Variants in TMTC2 observed in about 807,000 individuals in gnomAD.
TMTC2 encodes protein O-mannosyl-transferase TMTC2.
In TMTC2, 43 loss-of-function variants were observed where a neutral mutation model predicts 82.4. The ratio of observed to expected loss-of-function variants is 0.52; its 90% CI spans 0.41 to 0.67. The LOEUF (loss-of-function observed/expected upper bound fraction) is 0.67. TMTC2 is among the 30% of genes least tolerant of loss of function. The probability of loss-of-function intolerance (pLI) is 0.00; values close to 1 mark genes in which losing one functional copy is unlikely to be tolerated. For synonymous variants in TMTC2, 408 were observed against 381.9 expected (o/e 1.07, Z -0.80); for missense variants, 919 against 1,012.4 (o/e 0.91, Z 1.25).
intron 4 of TMTC2, among the ~76,000 whole-genome samples, chr12:82,941,212 G>C (rs937355031): frequency 3.3e-5 from 5 of 152,074 alleles, no homozygotes; most frequent in African/African-American, 9.7e-5. Context: ...GGATCTCACT[G>C]TGTTGCCAGG....
intron 1 of TMTC2, among the ~76,000 whole-genome samples, chr12:82,732,322 C>T (rs1350183464): frequency 6.6e-6 from 1 of 151,754 alleles, no homozygotes. Flanking sequence ...AATAGGATAA[C>T]CTTTTTGCAT....
intron 11 of TMTC2, among the ~76,000 whole-genome samples, chr12:83,064,013 G>A (rs1189098649): frequency 6.6e-6 from 1 of 151,210 alleles, no homozygotes; most frequent in African/African-American, 2.4e-5. Context: ...ATTAAAGGCA[G>A]AGATCAGAGT....
At chr12:82,856,961 T>G in intron 1 of TMTC2, 49 bp from the exon 2 acceptor site, 2 of 1,528,354 alleles carry the variant, frequency 1.3e-6, no homozygotes, top group Non-Finnish European at 1.8e-6. Flanking sequence ...ATATTTTTTC[T>G]TTCTTTCTGT....
At position 82,767,264 on chromosome 12, in the gene TMTC2, T is replaced by C. The variant is rs192422859; in HGVS notation, c.83+79595T>C. 6.6e-5 allele frequency among the ~76,000 whole-genome samples: 10 copies of C among 152,310 alleles called. 1 individual carries two copies. Among genetic ancestry groups the C allele is most frequent in the Admixed American group, 5.9e-4 (9 of 15,296 alleles). On this transcript the variant is annotated intron_variant, in intron 1 of 11. Transcript: ENST00000321196. ...TCTCTTTTTTCTGCTTTTGAGATTA[T>C]TTCTTAAGTTCTTACACTTTAAAGT... is the stretch of plus-strand genomic sequence containing the variant.
At chr12:82,947,358 T>G (rs1319312629) in intron 4 of TMTC2, among the ~76,000 whole-genome samples, 3 of 151,240 alleles carry the variant, frequency 2.0e-5, no homozygotes. Flanking sequence ...TTTTTTTTTT[T>G]TGAGACGGAG....
At chr12:82,936,746 T>C (rs2137253388) in intron 4 of TMTC2, among the ~76,000 whole-genome samples, 2 of 152,266 alleles carry the variant, frequency 1.3e-5, no homozygotes, top group South Asian at 4.1e-4. Flanking sequence ...ATAATAAATA[T>C]CTGTCAAAAG....
At chr12:83,058,703 C>T (rs754515597) in intron 10 of TMTC2, among the ~76,000 whole-genome samples, 1 of 151,838 alleles carries the variant, frequency 6.6e-6, no homozygotes, top group Non-Finnish European at 1.5e-5. Flanking sequence ...CTTCTCACTA[C>T]CTCACTCCTG....
intron 2 of TMTC2, among the ~76,000 whole-genome samples, chr12:82,890,600 C>G (rs1873345681): frequency 6.6e-6 from 1 of 152,136 alleles, no homozygotes; most frequent in Non-Finnish European, 1.5e-5. Context: ...TCAACTTTGG[C>G]TGCATTAGAA....
At chr12:83,006,088 G>T (rs1880189090) in intron 8 of TMTC2, among the ~76,000 whole-genome samples, 1 of 152,172 alleles carries the variant, frequency 6.6e-6, no homozygotes, top group South Asian at 2.1e-4. Flanking sequence ...ATCTTGTGCA[G>T]CCAGGATCCC....
chr12:83,005,206 T>TAAAA (rs59772281), intron 8 of TMTC2, among the ~76,000 whole-genome samples: 7 of 36,362 alleles, frequency 1.9e-4, no homozygotes, highest in Non-Finnish European at 2.9e-4. Context: ...TTTGTCTTAT[T>TAAAA]AAAAAAAAAA....
chr12:82,748,406 C>A (rs762610185), intron 1 of TMTC2, among the ~76,000 whole-genome samples: 1 of 152,096 alleles, frequency 6.6e-6, no homozygotes, highest in Non-Finnish European at 1.5e-5. Flanking sequence ...ATACAGTATG[C>A]GCTTTGGAGG....
In TMTC2 at chr12:82,769,278, G is replaced by A. The variant is rs1235223054; in HGVS notation, c.83+81609G>A. On this transcript the variant is annotated intron_variant, in intron 1 of 11. Transcript: ENST00000321196. ...ACCTTAGGTCAGGAGTTTGAGACCAGCCTGGCCAACATAGTGAAACCCCTG... is the reference window on the plus strand; with the variant it reads ...ACCTTAGGTCAGGAGTTTGAGACCAACCTGGCCAACATAGTGAAACCCCTG... Among the ~76,000 whole-genome samples, 5 of 151,954 alleles carry A rather than the reference G, an allele frequency of 3.3e-5. 1 individual carries two copies. The highest frequency in any genetic ancestry group is 1.2e-4 in the African/African-American group (5 of 41,456).
intron 3 of TMTC2, among the ~76,000 whole-genome samples, chr12:82,903,412 TTTTTG>T (rs2137195131): frequency 6.6e-6 from 1 of 152,154 alleles, no homozygotes; most frequent in African/African-American, 2.4e-5. Context: ...TTTTGTTTTG[TTTTTG>T]TTTTGTTTTT....
intron 1 of TMTC2, among the ~76,000 whole-genome samples, chr12:82,838,662 A>T (rs1167707270): frequency 6.6e-6 from 1 of 152,124 alleles, no homozygotes; most frequent in Non-Finnish European, 1.5e-5. Flanking sequence ...CCATTTGAAT[A>T]TGTTTATACC....
intron 8 of TMTC2, among the ~76,000 whole-genome samples, chr12:83,008,436 C>A (rs959863852): frequency 1.3e-5 from 2 of 152,190 alleles, no homozygotes; most frequent in African/African-American, 4.8e-5. Context: ...CTCACTGATT[C>A]TTTCCTTAGC....
At chr12:82,864,140 G>A (rs1246791118) in intron 2 of TMTC2, among the ~76,000 whole-genome samples, 1 of 152,122 alleles carries the variant, frequency 6.6e-6, no homozygotes, top group Non-Finnish European at 1.5e-5. Flanking sequence ...AGTTGTTTTG[G>A]CAGATACACA....
At chr12:82,860,533 A>T (rs980440498) in intron 2 of TMTC2, among the ~76,000 whole-genome samples, 1 of 152,236 alleles carries the variant, frequency 6.6e-6, no homozygotes, top group Admixed American at 6.5e-5. Context: ...GGCTGATTCC[A>T]TGATCTGTTT....
intron 11 of TMTC2, among the ~76,000 whole-genome samples, chr12:83,099,247 A>G (rs1021396289): frequency 1.3e-5 from 2 of 152,204 alleles, no homozygotes; most frequent in African/African-American, 4.8e-5. Context: ...TCCTTCATGC[A>G]CAGTAGGTGT....
At chr12:83,120,135 G>A (rs1884901164) in intron 11 of TMTC2, among the ~76,000 whole-genome samples, 1 of 152,266 alleles carries the variant, frequency 6.6e-6, no homozygotes, top group African/African-American at 2.4e-5. Context: ...TACATTCAAC[G>A]TTAGTATTGA....
Sources: gnomAD v4.1 joint callset for allele counts (sites outside exome capture counted in the v4.1 genomes callset) on GRCh38, gnomAD v4.1.1 for gene constraint, MANE v1.5 for transcripts, NCBI Gene and HGNC (gene_info 2026-07-23, HGNC 2026-07-21) for gene names.